PDE4B: variants seen among roughly 807,000 people sequenced by gnomAD.
PDE4B encodes the protein 3',5'-cyclic-AMP phosphodiesterase 4B.
PDE4B carries 20 observed loss-of-function variants against 82.2 expected under a neutral mutation model. The ratio of observed to expected loss-of-function variants is 0.24; its 90% CI spans 0.17 to 0.35. The LOEUF is 0.35. PDE4B is among the 10% of genes least tolerant of loss of function. The pLI, the probability that PDE4B is intolerant of heterozygous loss-of-function variation, is 1.00. For synonymous variants in PDE4B, 320 were observed against 318.9 expected (o/e 1.00, Z -0.04); for missense variants, 655 against 907.2 (o/e 0.72, Z 3.57).
At chr1:66,003,241 C>T (rs1030024192) in intron 3 of PDE4B, among the ~76,000 whole-genome samples, 1 of 151,882 alleles carries the variant, frequency 6.6e-6, no homozygotes, top group Non-Finnish European at 1.5e-5. Flanking sequence ...TCCTAATGAA[C>T]CAAGCTAAAT....
chr1:66,037,316 G>A (rs1049308051), intron 3 of PDE4B, among the ~76,000 whole-genome samples: 1 of 152,006 alleles, frequency 6.6e-6, no homozygotes, highest in Non-Finnish European at 1.5e-5. Context: ...AGTTTTCAGT[G>A]TAGAGATCTT....
At chr1:66,243,178 G>A (rs1653018070) in intron 3 of PDE4B, among the ~76,000 whole-genome samples, 3 of 152,112 alleles carry the variant, frequency 2.0e-5, no homozygotes. Flanking sequence ...TGTCTCACAA[G>A]GCCGAACAAA....
intron 16 of PDE4B, among the ~76,000 whole-genome samples, chr1:66,370,393 C>G (rs558703234): frequency 2.0e-4 from 31 of 152,288 alleles, no homozygotes; most frequent in African/African-American, 7.0e-4. Context: ...CATTATCTTA[C>G]TTGGATCCCC....
intron 1 of PDE4B, among the ~76,000 whole-genome samples, chr1:65,904,298 T>TAAA (rs1028243693): frequency 6.6e-6 from 1 of 152,062 alleles, no homozygotes; most frequent in Non-Finnish European, 1.5e-5. Flanking sequence ...TGTATTAACT[T>TAAA]AAAAAAAATT....
intron 3 of PDE4B, among the ~76,000 whole-genome samples, chr1:66,087,307 C>T (rs748937299): frequency 9.9e-5 from 15 of 152,194 alleles, no homozygotes; most frequent in African/African-American, 2.9e-4. Flanking sequence ...TAAGAGTTTA[C>T]GGCAATATCC....
At chr1:65,800,393 G>GT (rs60759522) in intron 1 of PDE4B, among the ~76,000 whole-genome samples, 6 of 152,168 alleles carry the variant, frequency 3.9e-5, no homozygotes, top group Admixed American at 3.3e-4. Flanking sequence ...GAATGAGGCA[G>GT]TTTTTTTCTA....
rs137927267 is a variant in PDE4B at position 66,357,708 on chromosome 1, C to T, written c.841+2088C>T. ...GGTAAACCCCATCAAACAGACTAGA[C>T]GGGCAGATTAGAATTTTAAATGTTC... is the stretch of plus-strand genomic sequence containing the variant. On this transcript the variant is annotated intron_variant, in intron 9 of 16. Coordinates refer to ENST00000341517, the MANE Select transcript of PDE4B (RefSeq NM_002600.4). Among the ~76,000 whole-genome samples the T allele has an allele frequency of 1.6e-4, 25 of 151,718 alleles. No homozygotes were observed. In the East Asian group the frequency reaches 1.7e-3, roughly 11 times the overall value.
chr1:65,955,273 CT>C (rs759264432), intron 3 of PDE4B, among the ~76,000 whole-genome samples: 2 of 152,080 alleles, frequency 1.3e-5, no homozygotes, highest in African/African-American at 2.4e-5. Flanking sequence ...ACATAAAGAC[CT>C]TTTGTTCTGA....
chr1:65,853,944 G>A (rs1346434424), intron 1 of PDE4B, among the ~76,000 whole-genome samples: 1 of 152,118 alleles, frequency 6.6e-6, no homozygotes. Context: ...TTTCTTATGT[G>A]CCCAATATGG....
chr1:66,203,733 C>G (rs1480925789), intron 3 of PDE4B, among the ~76,000 whole-genome samples: 5 of 148,610 alleles, frequency 3.4e-5, no homozygotes, highest in Non-Finnish European at 7.6e-5. Flanking sequence ...ATTGGTTATT[C>G]TAGTTATCCA....
At chr1:66,314,742 G>A (rs1658907530) in intron 7 of PDE4B, among the ~76,000 whole-genome samples, 1 of 152,144 alleles carries the variant, frequency 6.6e-6, no homozygotes, top group Non-Finnish European at 1.5e-5. Context: ...TCTATTCAGT[G>A]AAACCTATCT....
chr1:66,365,874 C>G, intron 13 of PDE4B, 108 bp downstream of exon 13: 3 of 582,926 alleles, frequency 5.1e-6, no homozygotes. Flanking sequence ...AATAATGAGG[C>G]AATCCTTCCA....
At chr1:66,160,105 T>C in intron 3 of PDE4B, among the ~76,000 whole-genome samples, 1 of 151,970 alleles carries the variant, frequency 6.6e-6, no homozygotes, top group East Asian at 1.9e-4. Flanking sequence ...TTACAGTGGG[T>C]GTTAAAAGGG....
chr1:65,975,460 A>G (rs1650357104), intron 3 of PDE4B, among the ~76,000 whole-genome samples: 1 of 152,266 alleles, frequency 6.6e-6, no homozygotes, highest in South Asian at 2.1e-4. Context: ...CATGTGGTAG[A>G]AAAGAAAAAC....
At chr1:66,297,081 C>T (rs913058721) in intron 7 of PDE4B, among the ~76,000 whole-genome samples, 1 of 152,100 alleles carries the variant, frequency 6.6e-6, no homozygotes, top group Admixed American at 6.6e-5. Context: ...TGTCTCTTTT[C>T]ATACATCTCT....
intron 3 of PDE4B, among the ~76,000 whole-genome samples, chr1:66,204,734 G>C (rs1649398210): frequency 6.6e-6 from 1 of 152,200 alleles, no homozygotes; most frequent in Non-Finnish European, 1.5e-5. Context: ...CGATTTTCCA[G>C]GTGCCATCTG....
At chr1:66,363,035 TCA>T in intron 10 of PDE4B, 131 bp from the exon 11 acceptor site, 1 of 595,424 alleles carries the variant, frequency 1.7e-6, no homozygotes, top group Non-Finnish European at 3.0e-6. Flanking sequence ...TTTCAGATTT[TCA>T]CACAACTAAA....
At position 65,918,612 on chromosome 1, in the gene PDE4B, T is replaced by C. The variant is rs1647188860; in HGVS notation, c.58T>C (p.Phe20Leu). 6.3e-7 allele frequency: 1 copy of C among 1,599,480 alleles called. No homozygotes were observed. The highest frequency in any genetic ancestry group is 8.6e-7 in the Non-Finnish European group (1 of 1,166,666). ...VMADDNVKDY[F>L]ECSLSKSYSS... ...GTTCCTCCAGAATGTTAAAGATTAT[T>C]TTGAATGTAGCTTGAGTAAATCCTA... The change falls in exon 3 of 17, where the codon TTT becomes CTT. Residue 20 changes from phenylalanine to leucine, a missense_variant. Phe to Leu is a conservative substitution (Grantham distance 22). Transcript: ENST00000341517.
At chr1:65,924,264 C>T (rs1277290582) in intron 3 of PDE4B, among the ~76,000 whole-genome samples, 2 of 147,100 alleles carry the variant, frequency 1.4e-5, no homozygotes, top group Non-Finnish European at 3.0e-5. Flanking sequence ...TTAGTAGAGA[C>T]GGGGTTTCAC....
Sources: allele counts gnomAD v4.1 joint callset (sites outside exome capture counted in the v4.1 genomes callset), GRCh38; gene constraint gnomAD v4.1.1; transcripts MANE v1.5; gene names NCBI Gene and HGNC (gene_info 2026-07-23, HGNC 2026-07-21).